Variants in TET2 observed in about 807,000 individuals in gnomAD.
TET2 encodes the protein methylcytosine dioxygenase TET2.
Under a neutral mutation model 142.9 loss-of-function variants are expected in TET2, and 299 were observed. The ratio of observed to expected loss-of-function variants is 2.09; its 90% confidence interval spans 1.90 to 2.30. The LOEUF is 2.30. TET2 is among the 30% of genes most tolerant of loss of function. The probability of loss-of-function intolerance (pLI) is 0.00; values close to 1 mark genes in which losing one functional copy is unlikely to be tolerated. For synonymous variants in TET2, 819 were observed against 849.0 expected (o/e 0.96, Z 0.61); for missense variants, 2,418 against 2,378.0 (o/e 1.02, Z -0.35).
At chr4:105,180,792 A>C (rs1725076762) in intron 1 of TET2, among the ~76,000 whole-genome samples, 1 of 152,110 alleles carries the variant, frequency 6.6e-6, no homozygotes. Context: ...GGCATGTGCC[A>C]CCACACCTGG....
Position 105,235,717 on chromosome 4 carries a change from A to T in TET2, c.1775A>T (p.Tyr592Phe). The stretch of plus-strand genomic sequence containing the variant: ...GCATCACTGCCATCAATTCTTCAGT[A>T]TCAACCCAATCTCTCCAATCAAATG... ...NEASLPSILQ[Y>F]QPNLSNQMTS... Residue 592 changes from tyrosine to phenylalanine, a missense_variant, in exon 3 of 11, where the codon TAT becomes TTT. Transcript: ENST00000380013. The T allele has an allele frequency of 6.2e-7, 1 of 1,614,192 alleles. No homozygotes were observed. Among genetic ancestry groups the T allele is most frequent in the Non-Finnish European group, 8.5e-7 (1 of 1,180,032 alleles).
intron 1 of TET2, among the ~76,000 whole-genome samples, chr4:105,185,877 A>C (rs768840039): frequency 1.2e-4 from 19 of 152,168 alleles, no homozygotes; most frequent in Non-Finnish European, 2.5e-4. Context: ...TTTAGGAATG[A>C]TATTATGCTC....
intron 4 of TET2, chr4:105,242,517 G>T: frequency 2.6e-6 from 3 of 1,133,464 alleles, no homozygotes; most frequent in Non-Finnish European, 3.3e-6. Context: ...TGTTTTAGAA[G>T]ACTGAACTTA....
Position 105,190,454 on chromosome 4 carries a change from C to T in TET2, c.-98C>T, listed in dbSNP as rs1016475179. 1.4e-6 allele frequency: 1 copy of T among 701,778 alleles called. No homozygotes were observed. The highest frequency in any genetic ancestry group is 1.7e-5 in the African/African-American group (1 of 57,188). The allele number at this position is 701,778 out of a possible 1,614,324, so 43.5% of individuals were successfully genotyped here. On this transcript the variant is annotated 5_prime_UTR_variant, in exon 2 of 11. Coordinates refer to ENST00000380013, the MANE Select transcript of TET2 (RefSeq NM_001127208.3). ...GCTTGGAAGCAGGAGATGGGCTCAG[C>T]AGCAGCCAATAGGACATGATCCAGG...
intron 2 of TET2, among the ~76,000 whole-genome samples, chr4:105,217,690 G>T (rs979586273): frequency 6.6e-6 from 1 of 151,998 alleles, no homozygotes; most frequent in Non-Finnish European, 1.5e-5. Flanking sequence ...CTTGAGCACA[G>T]AACTTTATTT....
chr4:105,275,290 C>G lies in TET2; in HGVS notation c.4780C>G (p.Pro1594Ala). ...HTSDIYGSTS[P>A]MNFYSTSSQA... The stretch of plus-strand genomic sequence containing the variant: ...TTCAGATATCTATGGAAGCACCAGC[C>G]CTATGAACTTCTATTCCACCTCATC... The change falls in exon 11 of 11, where the codon CCT becomes GCT. Residue 1594 changes from proline to alanine, a missense_variant. Physicochemically the swap from Pro to Ala is conservative, Grantham distance 27. Coordinates refer to ENST00000380013, the MANE Select transcript of TET2 (RefSeq NM_001127208.3). 6.4e-7 allele frequency: 1 copy of G among 1,552,130 alleles called. No individual in the cohort carries two copies.
At chr4:105,224,732 C>T (rs952845020) in intron 2 of TET2, among the ~76,000 whole-genome samples, 13 of 146,684 alleles carry the variant, frequency 8.9e-5, no homozygotes, top group African/African-American at 3.0e-4. Flanking sequence ...CTCTCTGTCT[C>T]GTAGCTTATG....
chr4:105,272,496 T>TAC lies in TET2; in HGVS notation c.4183-53_4183-52dup, dbSNP rs149641287. On this transcript the variant is annotated intron_variant, in intron 9 of 10. Transcript: ENST00000380013. ...AATCTGAATACTGAGAGGAGAAAGA[T>TAC]ACACACACACACACACGTTTTCTTT... The TAC allele has an allele frequency of 1.4e-3, 1,393 of 1,013,264 alleles. 3 individuals carry two copies. The highest frequency in any genetic ancestry group is 3.0e-3 in the South Asian group (171 of 56,314). The allele number at this position is 1,013,264 out of a possible 1,614,324, so 62.8% of individuals were successfully genotyped here.
At chr4:105,207,488 G>A (rs1169573559) in intron 2 of TET2, among the ~76,000 whole-genome samples, 1 of 152,044 alleles carries the variant, frequency 6.6e-6, no homozygotes, top group African/African-American at 2.4e-5. Context: ...AAAGGAGGAG[G>A]GAGTTTTAAA....
At chr4:105,207,631 A>G (rs946265997) in intron 2 of TET2, among the ~76,000 whole-genome samples, 1 of 152,134 alleles carries the variant, frequency 6.6e-6, no homozygotes, top group Non-Finnish European at 1.5e-5. Context: ...TTCGGATGTG[A>G]AAAGAGTTTA....
chr4:105,171,103 T>C (rs1225077761), intron 1 of TET2, among the ~76,000 whole-genome samples: 1 of 152,214 alleles, frequency 6.6e-6, no homozygotes, highest in Non-Finnish European at 1.5e-5. Flanking sequence ...GAGTGCAGTT[T>C]TCTTCCTGCT....
At chr4:105,259,375 T>TTAC (rs1198466405) in intron 6 of TET2, among the ~76,000 whole-genome samples, 1 of 152,170 alleles carries the variant, frequency 6.6e-6, no homozygotes, top group African/African-American at 2.4e-5. Flanking sequence ...GGGTTCTACT[T>TTAC]AACTGGGTAT....
intron 7 of TET2, among the ~76,000 whole-genome samples, chr4:105,261,204 G>A (rs1730408628): frequency 6.6e-6 from 1 of 151,944 alleles, no homozygotes; most frequent in South Asian, 2.1e-4. Flanking sequence ...GGGCAGGTGG[G>A]GGTGTAACTG....
chr4:105,179,569 T>C (rs2110444534), intron 1 of TET2, among the ~76,000 whole-genome samples: 1 of 152,318 alleles, frequency 6.6e-6, no homozygotes, highest in East Asian at 1.9e-4. Flanking sequence ...TTTTTCACCA[T>C]CTATCCTCAA....
chr4:105,221,792 C>A (rs1022645412), intron 2 of TET2, among the ~76,000 whole-genome samples: 9 of 151,538 alleles, frequency 5.9e-5, no homozygotes, highest in Non-Finnish European at 1.0e-4. Context: ...TATACATGTG[C>A]CATGCTGGTG....
Position 105,237,327 on chromosome 4 carries a change from G to C in TET2, c.3385G>C (p.Asp1129His), listed in dbSNP as rs746241528. 6.2e-7 allele frequency: 1 copy of C among 1,614,096 alleles called. No homozygotes were observed. The highest frequency in any genetic ancestry group is 8.5e-7 in the Non-Finnish European group (1 of 1,179,982). ...GGATACACCTGTCAAGACTCAATAT[G>C]ATTTCCCATCTTGCAGATGTGTAGG... is the stretch of plus-strand genomic sequence containing the variant. ...LLDTPVKTQY[D>H]FPSCRCVEQI... is the part of the protein sequence containing the mutation. The change falls in exon 3 of 11, where the codon GAT (aspartate) becomes CAT (histidine). Residue 1129 changes from aspartate to histidine, a missense_variant. By Grantham distance (81) the Asp-to-His change is moderately conservative. Coordinates refer to ENST00000380013, the MANE Select transcript of TET2 (RefSeq NM_001127208.3).
intron 1 of TET2, among the ~76,000 whole-genome samples, chr4:105,162,000 T>C (rs894108655): frequency 1.3e-5 from 2 of 152,244 alleles, no homozygotes; most frequent in Non-Finnish European, 2.9e-5. Context: ...TTAAATAGAC[T>C]ATAGTAAAAG....
chr4:105,234,242 A>G lies in TET2; in HGVS notation c.300A>G (p.Glu100=). The change falls in exon 3 of 11, where the codon GAA becomes GAG. Residue 100 remains glutamate (E), a synonymous_variant. Transcript: ENST00000380013. ...GAGGAATAAAACGCACAGTTAGTGAACCTTCTCTCTCTGGGCTCCTTCAGA... is the reference window on the plus strand; with the variant it reads ...GAGGAATAAAACGCACAGTTAGTGAGCCTTCTCTCTCTGGGCTCCTTCAGA... ...QNGGIKRTVS[E]PSLSGLLQIK... is the part of the protein sequence containing the mutation. The G allele has an allele frequency of 3.7e-6, 6 of 1,614,144 alleles. No homozygotes were observed. The highest frequency in any genetic ancestry group is 5.1e-6 in the Non-Finnish European group (6 of 1,180,020).
In TET2 at chr4:105,236,026, T is replaced by C. The variant is rs1408289708; in HGVS notation, c.2084T>C (p.Met695Thr). 13 of 1,614,054 alleles carry C rather than the reference T, an allele frequency of 8.1e-6. No homozygotes were observed. The highest frequency in any genetic ancestry group is 2.2e-5 in the East Asian group (1 of 44,886). The change falls in exon 3 of 11, where the codon ATG (methionine) becomes ACG (threonine). Residue 695 changes from methionine to threonine, a missense_variant. By Grantham distance (81) the Met-to-Thr change is moderately conservative. Transcript: ENST00000380013. Reference sequence around the variant, plus strand: ...GCAGATTCCCAAACTGAAAAACTTATGTCCCCAGTGTTGAAACAGCACTTG... The same window carrying C: ...GCAGATTCCCAAACTGAAAAACTTACGTCCCCAGTGTTGAAACAGCACTTG... The part of the protein sequence containing the change: ...QRADSQTEKL[M>T]SPVLKQHLNQ...
Sources: gnomAD v4.1 joint callset for allele counts (sites outside exome capture counted in the v4.1 genomes callset) on GRCh38, gnomAD v4.1.1 for gene constraint, MANE v1.5 for transcripts, NCBI Gene and HGNC (gene_info 2026-07-23, HGNC 2026-07-21) for gene names.